The following LINGO2 variants were observed in gnomAD, a reference collection of about 807,000 sequenced individuals.
LINGO2 encodes the protein leucine-rich repeat and immunoglobulin-like domain-containing nogo receptor-interacting protein 2.
In LINGO2, 14 loss-of-function variants were observed where a neutral mutation model predicts 30.6. The ratio of observed to expected loss-of-function variants is 0.46; its 90% confidence interval spans 0.30 to 0.72. The LOEUF (loss-of-function observed/expected upper bound fraction) is 0.72, where lower values mean the gene tolerates loss of function less well. Among genes scored for constraint, LINGO2 ranks in the 30% least tolerant of loss-of-function variants. LINGO2 has a pLI of 0.07. For missense variants in LINGO2, 729 were observed against 751.7 expected (o/e 0.97, Z 0.35); for synonymous variants, 317 against 288.5 (o/e 1.10, Z -1.00).
At chr9:27,961,385 C>T (rs1373613650) in intron 5 of LINGO2, among the ~76,000 whole-genome samples, 1 of 152,148 alleles carries the variant, frequency 6.6e-6, no homozygotes, top group African/African-American at 2.4e-5. Flanking sequence ...CATTTATACT[C>T]CTCCCCTCAT....
chr9:28,396,247 C>T (rs28409695), intron 2 of LINGO2, among the ~76,000 whole-genome samples: 10,375 of 152,102 alleles, frequency 0.068, 463 homozygotes, highest in East Asian at 0.17. Flanking sequence ...GACAAAGCTG[C>T]GAGTTACAAG....
At chr9:28,910,898 T>A in the LINGO2 span, among the ~76,000 whole-genome samples, 72 of 151,986 alleles carry the variant, frequency 4.7e-4, no homozygotes, top group Non-Finnish European at 5.0e-4. Flanking sequence ...GAGAAAAAAA[T>A]TTGTTGTTTG....
At chr9:28,354,886 T>C (rs1820105461) in intron 3 of LINGO2, among the ~76,000 whole-genome samples, 2 of 152,160 alleles carry the variant, frequency 1.3e-5, no homozygotes, top group Admixed American at 1.3e-4. Context: ...AGTGATATCA[T>C]ATAAAAAATA....
chr9:29,030,087 T>A, the LINGO2 span, among the ~76,000 whole-genome samples: 9 of 152,248 alleles, frequency 5.9e-5, no homozygotes, highest in East Asian at 1.9e-4. Flanking sequence ...TTGCTGGGTG[T>A]TCTATAGAAT....
chr9:29,007,622 C>T, the LINGO2 span, among the ~76,000 whole-genome samples: 3 of 152,058 alleles, frequency 2.0e-5, no homozygotes, highest in Non-Finnish European at 4.4e-5. Flanking sequence ...AATATGAACA[C>T]GTCTTGGGAA....
At chr9:28,754,236 G>C in the LINGO2 span, among the ~76,000 whole-genome samples, 2 of 151,954 alleles carry the variant, frequency 1.3e-5, no homozygotes, top group Admixed American at 6.5e-5. Context: ...CTTCCAGGGG[G>C]ATATTATTGA....
chr9:28,927,169 G>A, the LINGO2 span, among the ~76,000 whole-genome samples: 1 of 152,178 alleles, frequency 6.6e-6, no homozygotes, highest in East Asian at 1.9e-4. Context: ...GGTAAATAGT[G>A]CCCCAAACCA....
the LINGO2 span, among the ~76,000 whole-genome samples, chr9:28,987,885 G>A: frequency 6.6e-6 from 1 of 152,052 alleles, no homozygotes; most frequent in Non-Finnish European, 1.5e-5. Flanking sequence ...ATGGCATTGT[G>A]GTCAGAAAAC....
At chr9:28,461,804 C>T (rs1825092002) in intron 2 of LINGO2, among the ~76,000 whole-genome samples, 2 of 152,132 alleles carry the variant, frequency 1.3e-5, no homozygotes, top group Admixed American at 6.6e-5. Context: ...TAATGACTCT[C>T]AGGCAAAGAA....
chr9:27,952,929 C>T (rs1490117052), intron 5 of LINGO2, among the ~76,000 whole-genome samples: 1 of 151,994 alleles, frequency 6.6e-6, no homozygotes, highest in Non-Finnish European at 1.5e-5. Context: ...AAATAACACA[C>T]ACATGTGATT....
At chr9:28,995,564 T>G in the LINGO2 span, among the ~76,000 whole-genome samples, 1 of 152,022 alleles carries the variant, frequency 6.6e-6, no homozygotes, top group Non-Finnish European at 1.5e-5. Flanking sequence ...TAAAGACACA[T>G]GCGCACGTAT....
At chr9:28,153,114 T>A (rs983213421) in intron 4 of LINGO2, among the ~76,000 whole-genome samples, 8 of 152,192 alleles carry the variant, frequency 5.3e-5, no homozygotes, top group Non-Finnish European at 8.8e-5. Context: ...TTGTGTCCTA[T>A]AAGACATTTG....
At chr9:28,606,871 C>T (rs1434762604) in intron 1 of LINGO2, among the ~76,000 whole-genome samples, 1 of 151,924 alleles carries the variant, frequency 6.6e-6, no homozygotes, top group East Asian at 1.9e-4. Flanking sequence ...TCAAATTGTA[C>T]AATTAACTAG....
chr9:28,872,890 T>C, the LINGO2 span, among the ~76,000 whole-genome samples: 1 of 152,072 alleles, frequency 6.6e-6, no homozygotes, highest in East Asian at 1.9e-4. Context: ...CGTTGAGCAA[T>C]AAAAATCATT....
At chr9:28,304,729 A>G (rs67563065) in intron 3 of LINGO2, among the ~76,000 whole-genome samples, 11,382 of 152,098 alleles carry the variant, frequency 0.075, 515 homozygotes, top group East Asian at 0.21. Context: ...TCTATGTTTA[A>G]CTATATTAGA....
In LINGO2 at chr9:27,996,738, A is replaced by G. The variant is rs540046087; in HGVS notation, c.-36+15617T>C. On this transcript the variant is annotated intron_variant, in intron 5 of 5. Transcript: ENST00000379992. ...CTAACAGTAATGTATTGTATATTTC[A>G]AAATAGCTAGAAGATTTGCAACATT... Among the ~76,000 whole-genome samples the G allele has an allele frequency of 5.3e-5, 8 of 152,324 alleles. No homozygotes were observed. The South Asian group carries it at 1.7e-3, about 32-fold the overall frequency.
chr9:28,616,727 G>A (rs965778225), intron 1 of LINGO2, among the ~76,000 whole-genome samples: 1 of 152,220 alleles, frequency 6.6e-6, no homozygotes, highest in African/African-American at 2.4e-5. Flanking sequence ...GGACTGGGCA[G>A]TGCAACAGTC....
intron 4 of LINGO2, among the ~76,000 whole-genome samples, chr9:28,140,979 TCAA>T (rs1000269568): frequency 1.3e-4 from 19 of 150,590 alleles, no homozygotes; most frequent in Admixed American, 2.7e-4. Context: ...TCATTAATCA[TCAA>T]CAATATAAAA....
the LINGO2 span, among the ~76,000 whole-genome samples, chr9:28,717,287 G>T: frequency 1.3e-5 from 2 of 150,122 alleles, no homozygotes; most frequent in African/African-American, 4.9e-5. Context: ...CAAACTAGGG[G>T]AAAGTTACAA....
Sources: allele counts gnomAD v4.1 joint callset (sites outside exome capture counted in the v4.1 genomes callset), GRCh38; gene constraint gnomAD v4.1.1; transcripts MANE v1.5; gene names NCBI Gene and HGNC (gene_info 2026-07-23, HGNC 2026-07-21).